TSPAN18: variants seen among roughly 807,000 people sequenced by gnomAD.
The protein encoded by TSPAN18 is tetraspanin-18.
In TSPAN18, 14 loss-of-function variants were observed where a neutral mutation model predicts 27.3. That is an observed-to-expected ratio of 0.51 (90% CI 0.34 to 0.80). The LOEUF (loss-of-function observed/expected upper bound fraction) is 0.80. Ranked by LOEUF, TSPAN18 falls within the 30% of genes least tolerant of loss-of-function variation. TSPAN18 has a pLI of 0.01. For missense variants in TSPAN18, 268 were observed against 323.9 expected (o/e 0.83, Z 1.32); for synonymous variants, 143 against 136.5 (o/e 1.05, Z -0.33).
intron 2 of TSPAN18, among the ~76,000 whole-genome samples, chr11:44,815,611 C>G (rs1856804601): frequency 6.6e-6 from 1 of 152,176 alleles, no homozygotes; most frequent in Non-Finnish European, 1.5e-5. Flanking sequence ...GGGGATTGCT[C>G]TAGAATGGCC....
intron 3 of TSPAN18, among the ~76,000 whole-genome samples, chr11:44,882,587 G>GACACACAC (rs748475836): frequency 1.8e-3 from 236 of 130,838 alleles, no homozygotes; most frequent in African/African-American, 4.8e-3. Context: ...CAGAGAGAGA[G>GACACACAC]ACACACACAC....
At chr11:44,875,725 A>G in intron 3 of TSPAN18, among the ~76,000 whole-genome samples, 1 of 152,194 alleles carries the variant, frequency 6.6e-6, no homozygotes, top group East Asian at 1.9e-4. Flanking sequence ...AAGTGGCTTC[A>G]TTTCCTGTGA....
chr11:44,855,782 C>G (rs1857720284), intron 2 of TSPAN18, among the ~76,000 whole-genome samples: 1 of 150,858 alleles, frequency 6.6e-6, no homozygotes, highest in Non-Finnish European at 1.5e-5. Flanking sequence ...CTCCTTATCC[C>G]CATCCACCCC....
At chr11:44,813,790 CCAGAGGGCAGACTATCA>C (rs1856768315) in intron 2 of TSPAN18, among the ~76,000 whole-genome samples, 1 of 152,182 alleles carries the variant, frequency 6.6e-6, no homozygotes, top group Non-Finnish European at 1.5e-5. Flanking sequence ...AGTGCATAGA[CCAGAGGGCAGACTATCA>C]CAGAGGGCTG....
rs371525208 is a variant in TSPAN18, at chr11:44,914,391, A to G, written c.259-3581A>G. Among the ~76,000 whole-genome samples the G allele has an allele frequency of 7.2e-5, 11 of 152,330 alleles. No individual in the cohort carries two copies. The East Asian group carries it at 1.4e-3, about 19-fold the overall frequency. The stretch of plus-strand genomic sequence containing the variant: ...GTCACTTAACCACTCTAAACCTTAG[A>G]TTCCTCATATACAAAATGAGGATAA... On this transcript the variant is annotated intron_variant, in intron 5 of 9. Coordinates refer to ENST00000520358, the MANE Select transcript of TSPAN18 (RefSeq NM_130783.5).
chr11:44,903,234 G>A (rs1859330325), intron 3 of TSPAN18: 3 of 363,100 alleles, frequency 8.3e-6, no homozygotes, highest in South Asian at 4.1e-5. Context: ...TGGCGGAGGT[G>A]ATGCCTGTGA....
chr11:44,839,277 C>T (rs184755573), intron 2 of TSPAN18, among the ~76,000 whole-genome samples: 130 of 152,336 alleles, frequency 8.5e-4, no homozygotes, highest in Non-Finnish European at 1.4e-3. Flanking sequence ...CTGGGCCCCC[C>T]GGCTCCCCAG....
chr11:44,809,312 C>T (rs560841028), intron 2 of TSPAN18, among the ~76,000 whole-genome samples: 199 of 152,144 alleles, frequency 1.3e-3, no homozygotes, highest in African/African-American at 4.7e-3. Flanking sequence ...TTATCTCCAC[C>T]GAGAGGTCTC....
chr11:44,867,559 C>T (rs1858074503), intron 3 of TSPAN18, among the ~76,000 whole-genome samples: 1 of 151,934 alleles, frequency 6.6e-6, no homozygotes, highest in Admixed American at 6.6e-5. Flanking sequence ...CCACCACATC[C>T]AGCTAATTTG....
At chr11:44,764,160 T>C (rs1201452373) in intron 1 of TSPAN18, among the ~76,000 whole-genome samples, 1 of 152,194 alleles carries the variant, frequency 6.6e-6, no homozygotes, top group Non-Finnish European at 1.5e-5. Flanking sequence ...CATGAGAAAC[T>C]ATCTCCATCA....
At chr11:44,900,408 C>T (rs994998788) in intron 3 of TSPAN18, among the ~76,000 whole-genome samples, 1 of 152,176 alleles carries the variant, frequency 6.6e-6, no homozygotes, top group African/African-American at 2.4e-5. Context: ...GGAGTTGTGG[C>T]CCCAGATTAA....
chr11:44,778,798 G>A (rs1855871953), intron 2 of TSPAN18, among the ~76,000 whole-genome samples: 1 of 152,176 alleles, frequency 6.6e-6, no homozygotes, highest in African/African-American at 2.4e-5. Context: ...GCAGTCTGTG[G>A]TTCTTAGAAC....
In TSPAN18 at chr11:44,917,796, A is replaced by T. The variant is rs1487440590; in HGVS notation, c.259-176A>T. The T allele has an allele frequency of 4.1e-5, 25 of 608,624 alleles. No homozygotes were observed. The Admixed American group carries it at 6.9e-4, about 17-fold the overall frequency. The allele number at this position is 608,624 out of a possible 1,614,324, so 37.7% of individuals were successfully genotyped here. A position where few individuals can be genotyped will look rare whatever the true frequency, so the allele number is the denominator to read the frequency against. On this transcript the variant is annotated intron_variant, in intron 5 of 9. Transcript: ENST00000520358. Reference sequence around the variant, plus strand: ...TTTGATCTCAATCCTGTTGACTCCAAGGAGGAATCACTGGTGTGTTTGTTA... The same window carrying T: ...TTTGATCTCAATCCTGTTGACTCCATGGAGGAATCACTGGTGTGTTTGTTA...
At chr11:44,798,699 C>G (rs1856407203) in intron 2 of TSPAN18, among the ~76,000 whole-genome samples, 1 of 152,160 alleles carries the variant, frequency 6.6e-6, no homozygotes, top group African/African-American at 2.4e-5. Flanking sequence ...GAGTTTTAAA[C>G]AGGAAACTGG....
At chr11:44,846,127 C>G (rs1249887568) in intron 2 of TSPAN18, among the ~76,000 whole-genome samples, 1 of 152,218 alleles carries the variant, frequency 6.6e-6, no homozygotes, top group Admixed American at 6.5e-5. Flanking sequence ...TGCAACAGCC[C>G]TATGAGCGGT....
chr11:44,897,751 GC>G (rs1859114107), intron 3 of TSPAN18: 2 of 1,288,158 alleles, frequency 1.6e-6, no homozygotes, highest in African/African-American at 3.0e-5. Context: ...TATTGGACAA[GC>G]TGGGCCGATA....
At chr11:44,884,400 C>T (rs558552189) in intron 3 of TSPAN18, among the ~76,000 whole-genome samples, 4 of 152,296 alleles carry the variant, frequency 2.6e-5, no homozygotes, top group African/African-American at 9.6e-5. Context: ...CCATGTGGTA[C>T]AGGGGTGGGG....
intron 3 of TSPAN18, among the ~76,000 whole-genome samples, chr11:44,867,492 C>T (rs1367819050): frequency 1.3e-5 from 2 of 149,870 alleles, no homozygotes; most frequent in Non-Finnish European, 3.0e-5. Flanking sequence ...TCCACCTCCC[C>T]AGTTCAAGTA....
At chr11:44,855,470 T>C (rs962854306) in intron 2 of TSPAN18, among the ~76,000 whole-genome samples, 1 of 152,212 alleles carries the variant, frequency 6.6e-6, no homozygotes, top group Non-Finnish European at 1.5e-5. Context: ...ATATTCAAAG[T>C]GGTTCTGATA....
Sources: gnomAD v4.1 joint callset for allele counts (sites outside exome capture counted in the v4.1 genomes callset) on GRCh38, gnomAD v4.1.1 for gene constraint, MANE v1.5 for transcripts, NCBI Gene and HGNC (gene_info 2026-07-23, HGNC 2026-07-21) for gene names.